PPIE: variants seen among roughly 807,000 people sequenced by gnomAD.
PPIE encodes peptidyl-prolyl cis-trans isomerase E.
Under a neutral mutation model 38.4 loss-of-function variants are expected in PPIE, and 20 were observed. That is an observed-to-expected ratio of 0.52 (90% CI 0.37 to 0.76). PPIE has a LOEUF of 0.76. Ranked by LOEUF, PPIE falls within the 30% of genes least tolerant of loss-of-function variation. The pLI, the probability that PPIE is intolerant of heterozygous loss-of-function variation, is 0.00. For missense variants in PPIE, 322 were observed against 385.8 expected (o/e 0.83, Z 1.39); for synonymous variants, 142 against 135.7 (o/e 1.05, Z -0.32).
At chr1:39,744,885 G>C (rs1647154775) in intron 6 of PPIE, among the ~76,000 whole-genome samples, 2 of 152,184 alleles carry the variant, frequency 1.3e-5, no homozygotes, top group South Asian at 4.1e-4. Flanking sequence ...TGTCTTCTGA[G>C]CACTTAGGCC....
chr1:39,750,157 C>T (rs902781523), intron 8 of PPIE, among the ~76,000 whole-genome samples: 11 of 152,012 alleles, frequency 7.2e-5, no homozygotes, highest in Non-Finnish European at 1.3e-4. Flanking sequence ...CAAACTTCAT[C>T]CTTGTACTCT....
intron 9 of PPIE, chr1:39,762,259 G>A (rs533982740): frequency 3.7e-4 from 148 of 396,940 alleles, no homozygotes; most frequent in African/African-American, 2.9e-3. Context: ...TAGAGACAGG[G>A]TTTTGCTGTG....
chr1:39,744,418 A>G (rs879417034), intron 6 of PPIE, among the ~76,000 whole-genome samples: 13 of 152,224 alleles, frequency 8.5e-5, no homozygotes, highest in Non-Finnish European at 1.3e-4. Context: ...GATTCTCAGC[A>G]TAGTCTCTGA....
Position 39,753,579 on chromosome 1 carries a change from C to T in PPIE, c.*224C>T, listed in dbSNP as rs1210268582. Reference sequence around the variant, plus strand: ...AGGAGCCAGCTCAGGTGCTCCCCTCCACCATGGGCAGGCTGTGCAAAAAGC... The same window carrying T: ...AGGAGCCAGCTCAGGTGCTCCCCTCTACCATGGGCAGGCTGTGCAAAAAGC... On this transcript the variant is annotated 3_prime_UTR_variant, in exon 10 of 10. Coordinates refer to ENST00000324379, the MANE Select transcript of PPIE (RefSeq NM_006112.4). The T allele has an allele frequency of 1.1e-4, 157 of 1,371,570 alleles. No individual in the cohort carries two copies. The highest frequency in any genetic ancestry group is 1.5e-4 in the Non-Finnish European group (157 of 1,067,998). 85.0% of individuals were successfully genotyped at this position (1,371,570 alleles called of 1,614,324 possible). A position where few individuals can be genotyped will look rare whatever the true frequency, so the allele number is the denominator to read the frequency against.
intron 9 of PPIE, chr1:39,763,096 G>A: frequency 6.2e-7 from 1 of 1,613,778 alleles, no homozygotes; most frequent in Non-Finnish European, 8.5e-7. Flanking sequence ...ACTGACCAGG[G>A]ACTGCAGGAT....
At chr1:39,740,942 C>T (rs1015169625) in intron 2 of PPIE, among the ~76,000 whole-genome samples, 1 of 152,164 alleles carries the variant, frequency 6.6e-6, no homozygotes, top group Non-Finnish European at 1.5e-5. Flanking sequence ...CTAGTTAGTT[C>T]AGCATTTTCC....
Position 39,763,852 on chromosome 1 carries a change from G to T in PPIE, c.*110G>T, listed in dbSNP as rs931660797. ...TTCCTACTGTGTGCAGCTACTATGGGGTACCAGGGTGGGGGATGCCCTGAT... is the reference window on the plus strand; with the variant it reads ...TTCCTACTGTGTGCAGCTACTATGGTGTACCAGGGTGGGGGATGCCCTGAT... On this transcript the variant is annotated 3_prime_UTR_variant, in exon 10 of 10. Transcript: ENST00000356511. 3.8e-5 allele frequency: 59 copies of T among 1,549,040 alleles called. 2 individuals carry two copies. The highest frequency in any genetic ancestry group is 5.4e-5 in the Admixed American group (3 of 55,596).
chr1:39,741,727 C>A, intron 3 of PPIE, 168 bp from the exon 4 acceptor site: 1 of 703,992 alleles, frequency 1.4e-6, no homozygotes, highest in Non-Finnish European at 2.4e-6. Context: ...GTTGCACCAC[C>A]AGCTCTAAAA....
Position 39,753,746 on chromosome 1 carries a change from G to A in PPIE, c.*391G>A, listed in dbSNP as rs76469392. 490 of 1,022,402 alleles carry A rather than the reference G, an allele frequency of 4.8e-4. No individual in the cohort carries two copies. In the African/African-American group the frequency reaches 7.7e-3, roughly 16 times the overall value. 63.3% of individuals were successfully genotyped at this position (1,022,402 alleles called of 1,614,324 possible). On this transcript the variant is annotated 3_prime_UTR_variant, in exon 10 of 10. Coordinates refer to ENST00000324379, the MANE Select transcript of PPIE (RefSeq NM_006112.4). Reference sequence around the variant, plus strand: ...TTGGGAGTTGTCAGAGATTGTGTCTGTGGCTAAGCTGGACCTCTGAGGCAG... The same window carrying A: ...TTGGGAGTTGTCAGAGATTGTGTCTATGGCTAAGCTGGACCTCTGAGGCAG...
downstream of PPIE, chr1:39,758,583 A>C (rs1200555031): frequency 6.6e-6 from 1 of 152,248 alleles, no homozygotes; most frequent in Non-Finnish European, 1.5e-5. Context: ...CCCCACATTC[A>C]GGGTTATGAG....
chr1:39,748,103 A>G (rs986988044), intron 7 of PPIE: 2 of 152,134 alleles, frequency 1.3e-5, no homozygotes, highest in African/African-American at 4.8e-5. Context: ...TTGTTGAATT[A>G]TAGGAGTTCA....
intron 8 of PPIE, among the ~76,000 whole-genome samples, chr1:39,750,740 CCTT>C (rs1200126347): frequency 2.6e-5 from 4 of 152,184 alleles, no homozygotes; most frequent in Admixed American, 6.5e-5. Flanking sequence ...TTTGCTGTCT[CCTT>C]CTTTTCCTGA....
At chr1:39,762,664 A>C (rs775823788) in intron 9 of PPIE, 2 of 1,531,382 alleles carry the variant, frequency 1.3e-6, no homozygotes, top group Non-Finnish European at 1.8e-6. Context: ...GGGTGAGTGC[A>C]CACGCACACC....
rs1182074655 is a variant in PPIE at position 39,755,690 on chromosome 1, C to T, written c.*2335C>T. 1 of 985,300 alleles carries T rather than the reference C, an allele frequency of 1.0e-6. No homozygotes were observed. Among genetic ancestry groups the T allele is most frequent in the Non-Finnish European group, 1.2e-6 (1 of 829,944 alleles). 61.0% of individuals were successfully genotyped at this position (985,300 alleles called of 1,614,324 possible). A position where few individuals can be genotyped will look rare whatever the true frequency, so the allele number is the denominator to read the frequency against. ...TGACAACCTTGTCACTCTGTTCCTC[C>T]CTGATACTCTGGGGAGGTGGAGGCC... On this transcript the variant is annotated 3_prime_UTR_variant, in exon 10 of 10. Coordinates refer to ENST00000324379, the MANE Select transcript of PPIE (RefSeq NM_006112.4).
At chr1:39,740,007 C>T in intron 1 of PPIE, 158 bp from the exon 2 acceptor site, 1 of 580,906 alleles carries the variant, frequency 1.7e-6, no homozygotes, top group South Asian at 2.2e-5. Flanking sequence ...GAATATTTTT[C>T]ATAAGTATGG....
chr1:39,763,090 A>G (rs1649237053), intron 9 of PPIE: 1 of 1,613,376 alleles, frequency 6.2e-7, no homozygotes, highest in African/African-American at 1.3e-5. Flanking sequence ...CATGGTACTG[A>G]CCAGGGACTG....
chr1:39,739,673 T>C (rs1365600933), intron 1 of PPIE, among the ~76,000 whole-genome samples: 1 of 152,080 alleles, frequency 6.6e-6, no homozygotes, highest in Admixed American at 6.6e-5. Flanking sequence ...GGCAAGGCCG[T>C]TCACTGCAAG....
chr1:39,739,015 C>T, intron 1 of PPIE, 84 bp downstream of exon 1: 1 of 1,333,892 alleles, frequency 7.5e-7, no homozygotes, highest in Non-Finnish European at 9.7e-7. Context: ...ATCTCTGAAC[C>T]AGGAGGACGG....
rs1457040282 is a variant in PPIE, at chr1:39,755,821, C to G, written c.*2466C>G. ...AGATGTTATTGAATGCACACTGGAACCCTGCACAGGTAAACTGAGGCTTTA... is the reference window on the plus strand; with the variant it reads ...AGATGTTATTGAATGCACACTGGAAGCCTGCACAGGTAAACTGAGGCTTTA... On this transcript the variant is annotated 3_prime_UTR_variant, in exon 10 of 10. Transcript: ENST00000324379. 2 of 985,402 alleles carry G rather than the reference C, an allele frequency of 2.0e-6. No homozygotes were observed. Among genetic ancestry groups the G allele is most frequent in the South Asian group, 4.7e-5 (1 of 21,284 alleles). The allele number at this position is 985,402 out of a possible 1,614,324, so 61.0% of individuals were successfully genotyped here.
Sources: allele counts gnomAD v4.1 joint callset (sites outside exome capture counted in the v4.1 genomes callset), GRCh38; gene constraint gnomAD v4.1.1; transcripts MANE v1.5; gene names NCBI Gene and HGNC (gene_info 2026-07-23, HGNC 2026-07-21).